Variants in CTIF observed in about 807,000 individuals in gnomAD.
The protein encoded by CTIF is cap binding complex dependent translation initiation factor.
A neutral mutation model predicts 66.0 loss-of-function variants in CTIF; 21 were observed. That is an observed-to-expected ratio of 0.32 (90% CI 0.23 to 0.46). CTIF has a LOEUF of 0.46. Ranked by LOEUF, CTIF falls within the 20% of genes least tolerant of loss-of-function variation. CTIF has a pLI of 1.00. For missense variants in CTIF, 739 were observed against 812.7 expected, an observed-to-expected ratio of 0.91 and a Z score of 1.10; for synonymous variants, 345 against 326.4, an observed-to-expected ratio of 1.06 and a Z score of -0.62.
intron 1 of CTIF, among the ~76,000 whole-genome samples, chr18:48,540,496 A>C (rs911204288): frequency 6.8e-6 from 1 of 147,026 alleles, no homozygotes; most frequent in African/African-American, 2.5e-5. Flanking sequence ...GTGTTTCTCT[A>C]TTGATGGTAA....
At chr18:48,812,720 C>A (rs1285832866) in intron 9 of CTIF, among the ~76,000 whole-genome samples, 1 of 147,348 alleles carries the variant, frequency 6.8e-6, no homozygotes, top group African/African-American at 2.5e-5. Flanking sequence ...CACCACTGCA[C>A]TGCAGCCTGG....
intron 1 of CTIF, among the ~76,000 whole-genome samples, chr18:48,583,435 G>T (rs2089702615): frequency 6.6e-6 from 1 of 152,202 alleles, no homozygotes; most frequent in African/African-American, 2.4e-5. Context: ...TTGAGTTCAG[G>T]TCGCATTATT....
intron 1 of CTIF, among the ~76,000 whole-genome samples, chr18:48,589,838 G>C (rs1004447444): frequency 2.6e-5 from 4 of 152,234 alleles, no homozygotes; most frequent in African/African-American, 9.6e-5. Flanking sequence ...TTTCAGCCTA[G>C]GGTGGGGCAG....
At chr18:48,645,576 C>G (rs2091015249) in intron 3 of CTIF, among the ~76,000 whole-genome samples, 1 of 152,210 alleles carries the variant, frequency 6.6e-6, no homozygotes, top group Non-Finnish European at 1.5e-5. Context: ...TGACTTTCGT[C>G]CCCGCCAACT....
chr18:48,779,528 G>A (rs187021045), intron 9 of CTIF, among the ~76,000 whole-genome samples: 27 of 152,312 alleles, frequency 1.8e-4, no homozygotes, highest in Admixed American at 3.3e-4. Context: ...ACAGGGAAAC[G>A]AGATAAGAAA....
chr18:48,692,895 C>T (rs1041398587), intron 6 of CTIF, among the ~76,000 whole-genome samples: 1 of 152,186 alleles, frequency 6.6e-6, no homozygotes, highest in African/African-American at 2.4e-5. Context: ...AGTGTGGGAA[C>T]CACTGCCTTA....
chr18:48,700,936 C>T (rs552051254), intron 6 of CTIF, among the ~76,000 whole-genome samples: 1 of 152,340 alleles, frequency 6.6e-6, no homozygotes, highest in South Asian at 2.1e-4. Flanking sequence ...TTGGTTGATG[C>T]TTCAGTTCTA....
chr18:48,616,365 C>T (rs1274584892), intron 1 of CTIF, among the ~76,000 whole-genome samples: 1 of 152,256 alleles, frequency 6.6e-6, no homozygotes, highest in Non-Finnish European at 1.5e-5. Context: ...TCTCCGGAAC[C>T]TGTGCCCAGC....
chr18:48,675,836 G>A (rs777318667), intron 6 of CTIF, among the ~76,000 whole-genome samples: 9 of 152,202 alleles, frequency 5.9e-5, no homozygotes, highest in Non-Finnish European at 1.3e-4. Flanking sequence ...GGAAGGATGG[G>A]GGCTGGCTAA....
chr18:48,702,313 A>T lies in CTIF; in HGVS notation c.508-9306A>T, dbSNP rs139122075. 5.7e-3 allele frequency among the ~76,000 whole-genome samples: 873 copies of T among 152,328 alleles called. 8 individuals are homozygous for T. The highest frequency in any genetic ancestry group is 0.02 in the African/African-American group (823 of 41,566). On this transcript the variant is annotated intron_variant, in intron 6 of 11. Coordinates refer to ENST00000256413, the MANE Select transcript of CTIF (RefSeq NM_014772.3). ...CTGGAACCGCAGTGCTGTGCAGATG[A>T]AAACCATCTGGATATAGGGTGCATG...
At chr18:48,757,814 A>C in intron 7 of CTIF, 105 bp from the exon 8 acceptor site, 2 of 1,415,862 alleles carry the variant, frequency 1.4e-6, no homozygotes, top group Non-Finnish European at 1.9e-6. Context: ...TGGAAGAATG[A>C]ATATATGGAC....
intron 7 of CTIF, among the ~76,000 whole-genome samples, chr18:48,756,768 A>C (rs1908405405): frequency 6.6e-6 from 1 of 151,826 alleles, no homozygotes; most frequent in African/African-American, 2.4e-5. Flanking sequence ...GTCCCTCACC[A>C]CCCCTTCACT....
At chr18:48,539,336 C>T (rs2088548472) in intron 1 of CTIF, 24 bp downstream of exon 1, 1 of 152,068 alleles carries the variant, frequency 6.6e-6, no homozygotes, top group Admixed American at 6.6e-5. Flanking sequence ...CGCCCGTCCT[C>T]CTCTTATAGT....
chr18:48,603,898 G>C lies in CTIF; in HGVS notation c.-28-15640G>C, dbSNP rs560799488. 1.4e-3 allele frequency among the ~76,000 whole-genome samples: 216 copies of C among 150,962 alleles called. 1 individual carries two copies. The highest frequency in any genetic ancestry group is 4.3e-3 in the Admixed American group (65 of 15,162). ...TGGAGTCTCACTGTTGCCCAGGCTG[G>C]AGAGCAGAGGCGCAATCTTGGCTCA... On this transcript the variant is annotated intron_variant, in intron 1 of 11. Coordinates refer to ENST00000256413, the MANE Select transcript of CTIF (RefSeq NM_014772.3).
chr18:48,835,600 A>T (rs2068791215), intron 10 of CTIF, among the ~76,000 whole-genome samples: 1 of 152,230 alleles, frequency 6.6e-6, no homozygotes, highest in Non-Finnish European at 1.5e-5. Flanking sequence ...CTATAAGCAC[A>T]GTGCAGAAGG....
intron 5 of CTIF, among the ~76,000 whole-genome samples, chr18:48,665,775 G>A (rs2091426320): frequency 6.6e-6 from 1 of 152,126 alleles, no homozygotes; most frequent in South Asian, 2.1e-4. Flanking sequence ...ATGTTTTTGA[G>A]GTTCATTCAT....
At chr18:48,791,907 T>G (rs2067801556) in intron 9 of CTIF, among the ~76,000 whole-genome samples, 2 of 152,048 alleles carry the variant, frequency 1.3e-5, no homozygotes, top group South Asian at 4.2e-4. Context: ...TAACCAAACT[T>G]TAGGCAACTT....
At chr18:48,790,949 C>G (rs2067779892) in intron 9 of CTIF, among the ~76,000 whole-genome samples, 2 of 152,228 alleles carry the variant, frequency 1.3e-5, no homozygotes, top group Non-Finnish European at 2.9e-5. Context: ...CCAATCCCTG[C>G]TCTCCCTCAG....
At chr18:48,747,938 AATT>A (rs767193504) in intron 7 of CTIF, among the ~76,000 whole-genome samples, 2 of 150,296 alleles carry the variant, frequency 1.3e-5, no homozygotes, top group East Asian at 2.0e-4. Context: ...AAATAATAAT[AATT>A]ATTATTATTA....
Sources: allele counts gnomAD v4.1 joint callset (sites outside exome capture counted in the v4.1 genomes callset), GRCh38; gene constraint gnomAD v4.1.1; transcripts MANE v1.5; gene names NCBI Gene and HGNC (gene_info 2026-07-23, HGNC 2026-07-21).